The following AMH variants were observed in gnomAD, a reference collection of about 807,000 sequenced individuals.
The protein encoded by AMH is anti-Mullerian hormone.
In AMH, 39 loss-of-function variants were observed where a neutral mutation model predicts 33.3. The observed-to-expected ratio is 1.17, with a 90% CI of 0.91 to 1.53. The LOEUF is 1.53. AMH is among the 40% of genes most tolerant of loss of function. The probability of loss-of-function intolerance (pLI) is 0.00; values close to 1 mark genes in which losing one functional copy is unlikely to be tolerated. For missense variants in AMH, 1,019 were observed against 799.8 expected (o/e 1.27, Z -3.30); for synonymous variants, 536 against 403.0 (o/e 1.33, Z -3.95).
In AMH at chr19:2,249,534, TC is replaced by T; in HGVS notation, c.208del (p.Leu70CysfsTer7). 6.3e-7 allele frequency: 1 copy of T among 1,598,304 alleles called. No homozygotes were observed. On this transcript the variant is annotated frameshift_variant, in exon 1 of 5. Coordinates refer to ENST00000221496, the MANE Select transcript of AMH (RefSeq NM_000479.5). LOFTEE classifies it high-confidence loss of function. The stretch of plus-strand genomic sequence containing the variant: ...GGGCGGGGACAGCAATGGCAGCAGC[TC>T]CCCCCTGCGGGTGGTGGGGGCTCTA... The part of the protein sequence containing the change: ...ALGGDSNGSS[S>X]PLRVVGALSA...
At position 2,250,341 on chromosome 19, in the gene AMH, C is replaced by G. The variant is rs1181148698; in HGVS notation, c.417C>G (p.Thr139=). The G allele has an allele frequency of 3.8e-6, 6 of 1,597,394 alleles. No individual in the cohort carries two copies. The highest frequency in any genetic ancestry group is 4.3e-6 in the Non-Finnish European group (5 of 1,175,638). ...RLVVLHLEEV[T]WEPTPSLRFQ... is the part of the protein sequence containing the mutation. ...CCCCTGCTGTCCCGGCTGCAGTGAC[C>G]TGGGAGCCAACACCCTCGCTGAGGT... Residue 139 remains threonine, a synonymous_variant, in exon 2 of 5, where the codon ACC becomes ACG. Transcript: ENST00000221496.
rs755319832 is a variant in AMH at position 2,251,477 on chromosome 19, C to G, written c.1203C>G (p.Ala401=). ...TCCCGGGTCTGCCTCCGGCCACAGC[C>G]CCGCTGCTGGCGCGCCTGCTCGCGC... is the stretch of plus-strand genomic sequence containing the variant. ...RSLPGLPPAT[A]PLLARLLALC... The change falls in exon 5 of 5, where the codon GCC becomes GCG. Residue 401 remains alanine (A), a synonymous_variant. Transcript: ENST00000221496. The G allele has an allele frequency of 1.4e-6, 2 of 1,394,312 alleles. No individual in the cohort carries two copies. Among genetic ancestry groups the G allele is most frequent in the Admixed American group, 6.5e-5 (2 of 30,646 alleles). The allele number at this position is 1,394,312 out of a possible 1,614,324, so 86.4% of individuals were successfully genotyped here. A position where few individuals can be genotyped will look rare whatever the true frequency, so the allele number is the denominator to read the frequency against.
Position 2,251,276 on chromosome 19 carries a change from G to C in AMH, c.1002G>C (p.Ala334=). ...PQGLVNLSDP[A]ALERLLDGEE... is the part of the protein sequence containing the mutation. ...GCCTAGTCAACCTGTCGGACCCCGC[G>C]GCGCTGGAGCGCCTACTCGACGGCG... The change falls in exon 5 of 5, where the codon GCG becomes GCC. Residue 334 remains alanine (A), a synonymous_variant. Transcript: ENST00000221496. The C allele has an allele frequency of 6.7e-7, 1 of 1,503,738 alleles. No homozygotes were observed. The highest frequency in any genetic ancestry group is 8.8e-7 in the Non-Finnish European group (1 of 1,134,170). 93.1% of individuals were successfully genotyped at this position (1,503,738 alleles called of 1,614,324 possible).
At chr19:2,250,134 G>C in intron 1 of AMH, 2 of 842,778 alleles carry the variant, frequency 2.4e-6, no homozygotes, top group South Asian at 3.2e-5. Flanking sequence ...CAGGGCGGCA[G>C]CCCCACCCAC....
Position 2,251,660 on chromosome 19 carries a change from C to G in AMH, c.1386C>G (p.Cys462Trp). The G allele has an allele frequency of 6.2e-7, 1 of 1,604,988 alleles. No homozygotes were observed. Among genetic ancestry groups the G allele is most frequent in the Non-Finnish European group, 8.5e-7 (1 of 1,177,010 alleles). The change falls in exon 5 of 5, where the codon TGC (cysteine) becomes TGG (tryptophan). Residue 462 changes from cysteine to tryptophan, a missense_variant. Coordinates refer to ENST00000221496, the MANE Select transcript of AMH (RefSeq NM_000479.5). Reference sequence around the variant, plus strand: ...GGGCCACCGCCGCCGACGGGCCGTGCGCGCTGCGCGAGCTCAGCGTAGACC... The same window carrying G: ...GGGCCACCGCCGCCGACGGGCCGTGGGCGCTGCGCGAGCTCAGCGTAGACC... ...SAGATAADGP[C>W]ALRELSVDLR...
chr19:2,249,939 T>C, intron 1 of AMH, 195 bp downstream of exon 1: 1 of 701,418 alleles, frequency 1.4e-6, no homozygotes, highest in Non-Finnish European at 2.3e-6. Flanking sequence ...AGCCCAGCTC[T>C]TAGACTTGCC....
Position 2,250,324 on chromosome 19 carries a change from G to C in AMH, c.413-13G>C. On this transcript the variant is annotated splice_polypyrimidine_tract_variant and intron_variant, in intron 1 of 4. Coordinates refer to ENST00000221496, the MANE Select transcript of AMH (RefSeq NM_000479.5). ...TTCAATGGCTCAGGCGTCCCCTGCT[G>C]TCCCGGCTGCAGTGACCTGGGAGCC... 1 of 1,591,736 alleles carries C rather than the reference G, an allele frequency of 6.3e-7. No individual in the cohort carries two copies. Among genetic ancestry groups the C allele is most frequent in the Middle Eastern group, 1.9e-4 (1 of 5,220 alleles).
chr19:2,250,585 G>A, intron 2 of AMH, 67 bp from the exon 3 acceptor site: 1 of 1,537,016 alleles, frequency 6.5e-7, no homozygotes, highest in Non-Finnish European at 8.7e-7. Context: ...GCGATGGGAG[G>A]AAGGGGACCG....
In AMH at chr19:2,250,835, C is replaced by T. The variant is rs1469633993; in HGVS notation, c.665-14C>T. The T allele has an allele frequency of 1.3e-6, 2 of 1,555,768 alleles. No individual in the cohort carries two copies. Among genetic ancestry groups the T allele is most frequent in the East Asian group, 2.3e-5 (1 of 42,632 alleles). Reference sequence around the variant, plus strand: ...CCCCAGCCCCTGAGCCAGCCGCGTGCCCACCCACCGCAGACTCCCGGCTGA... The same window carrying T: ...CCCCAGCCCCTGAGCCAGCCGCGTGTCCACCCACCGCAGACTCCCGGCTGA... On this transcript the variant is annotated splice_polypyrimidine_tract_variant and intron_variant, in intron 3 of 4. Coordinates refer to ENST00000221496, the MANE Select transcript of AMH (RefSeq NM_000479.5).
At position 2,251,140 on chromosome 19, in the gene AMH, C is replaced by T. The variant is rs1323391797; in HGVS notation, c.866C>T (p.Pro289Leu). The change falls in exon 5 of 5, where the codon CCC (proline) becomes CTC (leucine). Residue 289 changes from proline (P) to leucine (L), a missense_variant. Transcript: ENST00000221496. ...GAGGAGTCGCCACCCAGCGCAGACCCCTTCCTGGAGACGCTCACGCGCCTG... is the reference window on the plus strand; with the variant it reads ...GAGGAGTCGCCACCCAGCGCAGACCTCTTCCTGGAGACGCTCACGCGCCTG... ...ELEESPPSAD[P>L]FLETLTRLVR... The T allele has an allele frequency of 7.8e-6, 12 of 1,533,822 alleles. No individual in the cohort carries two copies. The highest frequency in any genetic ancestry group is 2.5e-5 in the East Asian group (1 of 40,110).
Position 2,249,423 on chromosome 19 carries a change from G to A in AMH, c.91G>A (p.Ala31Thr), listed in dbSNP as rs766829297. 4 of 1,598,936 alleles carry A rather than the reference G, an allele frequency of 2.5e-6. No homozygotes were observed. In the African/African-American group the frequency reaches 4.0e-5, roughly 16 times the overall value. ...TGAGGCCCTCAGAGCAGAGGAGCCAGCTGTGGGCACCAGTGGCCTCATCTT... is the reference window on the plus strand; with the variant it reads ...TGAGGCCCTCAGAGCAGAGGAGCCAACTGTGGGCACCAGTGGCCTCATCTT... ...GTEALRAEEP[A>T]VGTSGLIFRE... The change falls in exon 1 of 5, where the codon GCT (alanine) becomes ACT (threonine). Residue 31 changes from alanine (A) to threonine (T), a missense_variant. Physicochemically the swap from Ala to Thr is moderately conservative, Grantham distance 58 (BLOSUM62 0). Transcript: ENST00000221496.
chr19:2,251,005 C>G lies in AMH; in HGVS notation c.821C>G (p.Pro274Arg). 6.6e-7 allele frequency: 1 copy of G among 1,514,862 alleles called. No homozygotes were observed. Among genetic ancestry groups the G allele is most frequent in the Non-Finnish European group, 8.8e-7 (1 of 1,138,202 alleles). The allele number at this position is 1,514,862 out of a possible 1,614,324, so 93.8% of individuals were successfully genotyped here. Residue 274 changes from proline (P) to arginine (R), a missense_variant, in exon 4 of 5, where the codon CCC (proline) becomes CGC (arginine). Coordinates refer to ENST00000221496, the MANE Select transcript of AMH (RefSeq NM_000479.5). ...CTGGACACCGTGCCCTTCCCGCCGC[C>G]CAGGTGCGCGCAGGCACCGGGACAC... Reference protein sequence around the residue: ...GQLDTVPFPPPRPSAELEESP... With the variant: ...GQLDTVPFPPRRPSAELEESP...
Position 2,250,481 on chromosome 19 carries a change from T to C in AMH, c.555+2T>C, listed in dbSNP as rs759859203. 1 of 1,547,764 alleles carries C rather than the reference T, an allele frequency of 6.5e-7. No individual in the cohort carries two copies. The highest frequency in any genetic ancestry group is 8.7e-7 in the Non-Finnish European group (1 of 1,147,028). On this transcript the variant is annotated splice_donor_variant, in intron 2 of 4. Transcript: ENST00000221496. LOFTEE classifies it high-confidence loss of function. ...AGGGCTGGGCTGCCGGGTGCCCAGG[T>C]ACCAGGGAGTTGCATGGGGCAGTGC...
chr19:2,250,284 C>T (rs894766012), intron 1 of AMH, 53 bp from the exon 2 acceptor site: 2 of 1,555,446 alleles, frequency 1.3e-6, no homozygotes, highest in African/African-American at 1.3e-5. Context: ...CCAAAGATTC[C>T]CGGGGGGTGT....
Position 2,251,093 on chromosome 19 carries a change from T to C in AMH, c.825-6T>C. ...CGCTCTCAACTCCTCCAATTGCGGG[T>C]TCCAGGCCATCCGCGGAACTCGAGG... On this transcript the variant is annotated splice_region_variant and splice_polypyrimidine_tract_variant and intron_variant, in intron 4 of 4. Transcript: ENST00000221496. 6.5e-7 allele frequency: 1 copy of C among 1,540,904 alleles called. No homozygotes were observed. Among genetic ancestry groups the C allele is most frequent in the Non-Finnish European group, 8.7e-7 (1 of 1,150,760 alleles).
In AMH at chr19:2,251,258, C is replaced by G. The variant is rs1023152184; in HGVS notation, c.984C>G (p.Val328=). 1.2e-5 allele frequency: 18 copies of G among 1,505,564 alleles called. No homozygotes were observed. The highest frequency in any genetic ancestry group is 1.3e-5 in the Non-Finnish European group (15 of 1,135,104). The allele number at this position is 1,505,564 out of a possible 1,614,324, so 93.3% of individuals were successfully genotyped here. A position where few individuals can be genotyped will look rare whatever the true frequency, so the allele number is the denominator to read the frequency against. ...TGGCCGGCTTCCCGCAGGGCCTAGT[C>G]AACCTGTCGGACCCCGCGGCGCTGG... ...DALAGFPQGL[V]NLSDPAALER... Residue 328 remains valine, a synonymous_variant, in exon 5 of 5, where the codon GTC becomes GTG. Transcript: ENST00000221496.
At position 2,250,837 on chromosome 19, in the gene AMH, C is replaced by A. The variant is rs753419956; in HGVS notation, c.665-12C>A. The A allele has an allele frequency of 2.4e-5, 38 of 1,557,152 alleles. No homozygotes were observed. The highest frequency in any genetic ancestry group is 3.3e-5 in the Non-Finnish European group (38 of 1,159,636). ...CCAGCCCCTGAGCCAGCCGCGTGCC[C>A]ACCCACCGCAGACTCCCGGCTGAGT... is the stretch of plus-strand genomic sequence containing the variant. On this transcript the variant is annotated splice_polypyrimidine_tract_variant and intron_variant, in intron 3 of 4. Coordinates refer to ENST00000221496, the MANE Select transcript of AMH (RefSeq NM_000479.5).
Position 2,251,645 on chromosome 19 carries a change from C to T in AMH, c.1371C>T (p.Ala457=). ...CACAGCGCAGCGCGGGGGCCACCGCCGCCGACGGGCCGTGCGCGCTGCGCG... is the reference window on the plus strand; with the variant it reads ...CACAGCGCAGCGCGGGGGCCACCGCTGCCGACGGGCCGTGCGCGCTGCGCG... ...GRAQRSAGAT[A]ADGPCALREL... is the part of the protein sequence containing the mutation. The change falls in exon 5 of 5, where the codon GCC becomes GCT. Residue 457 remains alanine (A), a synonymous_variant. Coordinates refer to ENST00000221496, the MANE Select transcript of AMH (RefSeq NM_000479.5). 2 of 1,594,276 alleles carry T rather than the reference C, an allele frequency of 1.3e-6. No individual in the cohort carries two copies. The highest frequency in any genetic ancestry group is 1.7e-6 in the Non-Finnish European group (2 of 1,173,030).
At position 2,251,220 on chromosome 19, in the gene AMH, G is replaced by T. The variant is rs1380349736; in HGVS notation, c.946G>T (p.Asp316Tyr). 4 of 1,502,878 alleles carry T rather than the reference G, an allele frequency of 2.7e-6. No homozygotes were observed. Among genetic ancestry groups the T allele is most frequent in the Non-Finnish European group, 3.5e-6 (4 of 1,133,414 alleles). 93.1% of individuals were successfully genotyped at this position (1,502,878 alleles called of 1,614,324 possible). The change falls in exon 5 of 5, where the codon GAT becomes TAT. Residue 316 changes from aspartate to tyrosine, a missense_variant. By Grantham distance (160) the Asp-to-Tyr change is radical. Transcript: ENST00000221496. ...GGCCTCCGCGCCGCGCCTGGCCCTG[G>T]ATCCGGACGCGCTGGCCGGCTTCCC... is the stretch of plus-strand genomic sequence containing the variant. ...ARASAPRLAL[D>Y]PDALAGFPQG...
Sources: allele counts gnomAD v4.1 joint callset, GRCh38; gene constraint gnomAD v4.1.1; transcripts MANE v1.5; gene names NCBI Gene and HGNC (gene_info 2026-07-23, HGNC 2026-07-21).